BAALC: variants seen among roughly 807,000 people sequenced by gnomAD.
BAALC encodes the protein brain and acute leukemia cytoplasmic protein.
In BAALC, 9 loss-of-function variants were observed where a neutral mutation model predicts 15.5. The ratio of observed to expected loss-of-function variants is 0.58; its 90% CI spans 0.35 to 1.02. The LOEUF (loss-of-function observed/expected upper bound fraction) is 1.02, where lower values mean the gene tolerates loss of function less well. Ranked by LOEUF, BAALC falls within the 50% of genes least tolerant of loss-of-function variation. The pLI, the probability that BAALC is intolerant of heterozygous loss-of-function variation, is 0.02. For missense variants in BAALC, 201 were observed against 192.4 expected, an observed-to-expected ratio of 1.04 and a Z score of -0.27; for synonymous variants, 80 against 74.6, an observed-to-expected ratio of 1.07 and a Z score of -0.37.
At chr8:103,146,419 C>G (rs1173525444) in intron 1 of BAALC, among the ~76,000 whole-genome samples, 1 of 152,190 alleles carries the variant, frequency 6.6e-6, no homozygotes, top group Non-Finnish European at 1.5e-5. Flanking sequence ...TTACCTGTTA[C>G]CGCTTGTGGT....
At chr8:103,194,776 C>T (rs1812054944) in intron 1 of BAALC, among the ~76,000 whole-genome samples, 2 of 152,106 alleles carry the variant, frequency 1.3e-5, no homozygotes, top group Non-Finnish European at 2.9e-5. Flanking sequence ...CCTCACATGG[C>T]AGAAGAGACA....
chr8:103,175,054 T>A (rs768841700), intron 1 of BAALC, among the ~76,000 whole-genome samples: 4 of 152,212 alleles, frequency 2.6e-5, no homozygotes, highest in Non-Finnish European at 4.4e-5. Context: ...CCTGTCAGCC[T>A]GTGGCGGAAC....
At chr8:103,155,239 C>G (rs1427502005) in intron 1 of BAALC, among the ~76,000 whole-genome samples, 1 of 152,164 alleles carries the variant, frequency 6.6e-6, no homozygotes, top group Non-Finnish European at 1.5e-5. Context: ...GTAATATTAG[C>G]AATTTCATAT....
In BAALC at chr8:103,209,498, A is replaced by T. The variant is rs117393319; in HGVS notation, c.161-3421A>T. On this transcript the variant is annotated intron_variant, in intron 1 of 2. Coordinates refer to ENST00000309982, the MANE Select transcript of BAALC (RefSeq NM_024812.3). ...GGCAGTTCTACCCTAGGCTTAGGAAATGGAGTCTCTACCTTGGTCTTGTGC... is the reference window on the plus strand; with the variant it reads ...GGCAGTTCTACCCTAGGCTTAGGAATTGGAGTCTCTACCTTGGTCTTGTGC... Among the ~76,000 whole-genome samples, 322 of 152,256 alleles carry T rather than the reference A, an allele frequency of 2.1e-3. 13 individuals carry two copies. The East Asian group carries it at 0.056, about 26-fold the overall frequency.
At position 103,212,967 on chromosome 8, in the gene BAALC, C is replaced by A. The variant is rs2130066709; in HGVS notation, c.209C>A (p.Ala70Asp). 1 of 1,614,126 alleles carries A rather than the reference C, an allele frequency of 6.2e-7. No homozygotes were observed. The highest frequency in any genetic ancestry group is 2.2e-5 in the East Asian group (1 of 44,874). ...TCCAATGGTGTGCCCCGATCTACAG[C>A]CCCAGGTGGAATACCCAACCCAGAG... ...LPSNGVPRSTAPGGIPNPEKK... is the reference protein window; with the variant it reads ...LPSNGVPRSTDPGGIPNPEKK... The change falls in exon 2 of 3, where the codon GCC (alanine) becomes GAC (aspartate). Residue 70 changes from alanine to aspartate, a missense_variant. By Grantham distance (126) the Ala-to-Asp change is moderately radical. Transcript: ENST00000309982.
chr8:103,212,924 C>T lies in BAALC; in HGVS notation c.166C>T (p.Leu56=), dbSNP rs775458426. The T allele has an allele frequency of 8.1e-6, 13 of 1,612,470 alleles. No homozygotes were observed. The highest frequency in any genetic ancestry group is 1.1e-5 in the Non-Finnish European group (13 of 1,178,946). The change falls in exon 2 of 3, where the codon CTG becomes TTG. Residue 56 remains leucine, a synonymous_variant. Transcript: ENST00000309982. ...CCTCTGCTTACCTCCCCCAGGCATGCTGGAAGATGGACTGCCCTCCAATGG... is the reference window on the plus strand; with the variant it reads ...CCTCTGCTTACCTCCCCCAGGCATGTTGGAAGATGGACTGCCCTCCAATGG... ...PEAGGLHSGM[L]EDGLPSNGVP...
intron 1 of BAALC, among the ~76,000 whole-genome samples, chr8:103,177,490 T>G (rs918540882): frequency 1.2e-4 from 18 of 152,286 alleles, no homozygotes; most frequent in African/African-American, 4.3e-4. Context: ...CCCGGCCTTC[T>G]TCTTCTCTAG....
intron 1 of BAALC, chr8:103,197,954 C>A: frequency 1.8e-6 from 1 of 562,298 alleles, no homozygotes; most frequent in South Asian, 2.4e-5. Flanking sequence ...CAGCCTTCAT[C>A]CCAACGATGC....
chr8:103,140,844 C>T lies in BAALC; in HGVS notation c.-54C>T. ...CGGGGCTGCGCCTCCGGGGCTGAGCCGCCGCCAGAGCCGACAGCCGAGCAG... is the reference window on the plus strand; with the variant it reads ...CGGGGCTGCGCCTCCGGGGCTGAGCTGCCGCCAGAGCCGACAGCCGAGCAG... On this transcript the variant is annotated 5_prime_UTR_variant, in exon 1 of 3. Transcript: ENST00000309982. This position sits in a 1 kb window ranked among gnomAD's most constrained non-coding sequence, Gnocchi z 4.2. 6.4e-6 allele frequency: 9 copies of T among 1,403,128 alleles called. No homozygotes were observed. The highest frequency in any genetic ancestry group is 1.6e-5 in the South Asian group (1 of 63,538). The allele number at this position is 1,403,128 out of a possible 1,614,324, so 86.9% of individuals were successfully genotyped here. A position where few individuals can be genotyped will look rare whatever the true frequency, so the allele number is the denominator to read the frequency against.
chr8:103,192,578 T>C (rs58990083), intron 1 of BAALC, among the ~76,000 whole-genome samples: 3,839 of 152,320 alleles, frequency 0.025, 158 homozygotes, highest in African/African-American at 0.087. Flanking sequence ...AAAGCCATCA[T>C]TCTGAAGTGG....
intron 2 of BAALC, among the ~76,000 whole-genome samples, chr8:103,226,055 T>A (rs1472257314): frequency 6.6e-6 from 1 of 152,152 alleles, no homozygotes; most frequent in African/African-American, 2.4e-5. Context: ...AAAATGTGCA[T>A]CTCTCAACAC....
At chr8:103,192,967 C>T (rs907670925) in intron 1 of BAALC, among the ~76,000 whole-genome samples, 1 of 152,186 alleles carries the variant, frequency 6.6e-6, no homozygotes, top group African/African-American at 2.4e-5. Context: ...CCTCTGCACC[C>T]CCAGCCCTAG....
At position 103,227,999 on chromosome 8, in the gene BAALC, ATGCTAAGAGAAT is replaced by A; in HGVS notation, c.339_350del (p.Asp113_Met117delinsGlu). On this transcript the variant is annotated inframe_deletion, in exon 3 of 3. Coordinates refer to ENST00000309982, the MANE Select transcript of BAALC (RefSeq NM_024812.3). ...TTTTCAACTTAACAGGCTAAAAGAG[ATGCTAAGAGAAT>A]GCCTGCAAAAGAAGTCACCATTAAT... is the stretch of plus-strand genomic sequence containing the variant. 1.2e-6 allele frequency: 2 copies of A among 1,611,536 alleles called. No individual in the cohort carries two copies. The highest frequency in any genetic ancestry group is 1.7e-6 in the Non-Finnish European group (2 of 1,177,970).
At chr8:103,195,682 G>A (rs1280011967) in intron 1 of BAALC, among the ~76,000 whole-genome samples, 1 of 152,182 alleles carries the variant, frequency 6.6e-6, no homozygotes, top group African/African-American at 2.4e-5. Context: ...CATGGTTCAT[G>A]TTTGCACTTG....
chr8:103,183,342 T>A, intron 1 of BAALC: 1 of 702,864 alleles, frequency 1.4e-6, no homozygotes, highest in East Asian at 2.7e-5. Context: ...TCCACTGTTC[T>A]TATTTTCCTG....
intron 1 of BAALC, chr8:103,198,005 C>T: frequency 1.6e-6 from 1 of 617,076 alleles, no homozygotes; most frequent in Non-Finnish European, 2.9e-6. Context: ...ATCCTCTGCT[C>T]TGTGAGGACT....
chr8:103,163,542 G>C (rs1811276348), intron 1 of BAALC, among the ~76,000 whole-genome samples: 1 of 152,122 alleles, frequency 6.6e-6, no homozygotes, highest in Non-Finnish European at 1.5e-5. Context: ...GTAAGACTTT[G>C]GGGTTATTTT....
chr8:103,170,171 G>A (rs1015526135), intron 1 of BAALC, among the ~76,000 whole-genome samples: 3 of 151,288 alleles, frequency 2.0e-5, no homozygotes, highest in African/African-American at 7.3e-5. Flanking sequence ...ATTTGGGAGT[G>A]GGACAGAGCT....
chr8:103,141,251 T>C, intron 1 of BAALC, 194 bp downstream of exon 1: 1 of 577,884 alleles, frequency 1.7e-6, no homozygotes, highest in Non-Finnish European at 2.7e-6. Flanking sequence ...CAGAGCCCCT[T>C]ACCGAAGGCT....
Sources: gnomAD v4.1 joint callset for allele counts (sites outside exome capture counted in the v4.1 genomes callset) on GRCh38, gnomAD v4.1.1 for gene constraint, Gnocchi (gnomAD v3.1) non-coding constraint, MANE v1.5 for transcripts, NCBI Gene and HGNC (gene_info 2026-07-23, HGNC 2026-07-21) for gene names.